STXBP5L: variants seen among roughly 807,000 people sequenced by gnomAD.
STXBP5L encodes the protein syntaxin-binding protein 5-like.
In STXBP5L, 65 loss-of-function variants were observed where a neutral mutation model predicts 144.5. That is an observed-to-expected ratio of 0.45 (90% CI 0.37 to 0.55). STXBP5L has a LOEUF of 0.55. STXBP5L is among the 20% of genes least tolerant of loss of function. The pLI is 0.00. For synonymous variants in STXBP5L, 505 were observed against 469.6 expected (o/e 1.08, Z -0.97); for missense variants, 1,298 against 1,405.5 (o/e 0.92, Z 1.22).
intron 5 of STXBP5L, among the ~76,000 whole-genome samples, chr3:121,051,422 A>G (rs953463317): frequency 7.9e-5 from 12 of 152,202 alleles, no homozygotes; most frequent in African/African-American, 2.4e-4. Flanking sequence ...AGAAGTCAGG[A>G]TTAAGAAACT....
chr3:121,146,595 GA>G (rs1387282904), intron 7 of STXBP5L, among the ~76,000 whole-genome samples: 1 of 151,556 alleles, frequency 6.6e-6, no homozygotes, highest in Non-Finnish European at 1.5e-5. Context: ...GCTGTTACAA[GA>G]GATACATTTT....
At chr3:121,346,343 C>A (rs557460184) in intron 20 of STXBP5L, among the ~76,000 whole-genome samples, 1 of 151,996 alleles carries the variant, frequency 6.6e-6, no homozygotes, top group Non-Finnish European at 1.5e-5. Flanking sequence ...TCTTAATCCA[C>A]TCTATCACTG....
chr3:121,280,759 T>C (rs1009906290), intron 19 of STXBP5L, among the ~76,000 whole-genome samples: 1 of 151,774 alleles, frequency 6.6e-6, no homozygotes, highest in Non-Finnish European at 1.5e-5. Context: ...ATATTAAGTG[T>C]TATTTTAGAC....
intron 22 of STXBP5L, among the ~76,000 whole-genome samples, chr3:121,385,058 A>C (rs2046397472): frequency 6.6e-6 from 1 of 152,054 alleles, no homozygotes; most frequent in Non-Finnish European, 1.5e-5. Context: ...ATCTCTCATA[A>C]TCAAACTCAA....
intron 20 of STXBP5L, among the ~76,000 whole-genome samples, chr3:121,372,295 A>G (rs1344100327): frequency 6.6e-6 from 1 of 152,136 alleles, no homozygotes. Flanking sequence ...AGACCACCCT[A>G]TAGAGTTCAG....
At position 121,121,685 on chromosome 3, in the gene STXBP5L, G is replaced by A. The variant is rs2044471539; in HGVS notation, c.650G>A (p.Ser217Asn). ...GGTCCAGTTGTACATTTAAGCGATA[G>A]CCCAAGAGATGAAGGCAAAGTGAGT... ...HPGPVVHLSD[S>N]PRDEGKLLIG... is the part of the protein sequence containing the mutation. Residue 217 changes from serine to asparagine, a missense_variant, in exon 7 of 27, where the codon AGC becomes AAC. By Grantham distance (46) the Ser-to-Asn change is conservative (BLOSUM62 1). Transcript: ENST00000471454. 1 of 1,602,728 alleles carries A rather than the reference G, an allele frequency of 6.2e-7. No individual in the cohort carries two copies. The highest frequency in any genetic ancestry group is 1.3e-5 in the African/African-American group (1 of 74,588).
intron 3 of STXBP5L, among the ~76,000 whole-genome samples, chr3:121,003,638 A>C (rs970524843): frequency 5.3e-5 from 8 of 152,086 alleles, no homozygotes; most frequent in Admixed American, 2.0e-4. Context: ...ATGCCTATGA[A>C]CTGAATGGTA....
At chr3:121,143,279 A>G (rs1393522685) in intron 7 of STXBP5L, among the ~76,000 whole-genome samples, 1 of 148,918 alleles carries the variant, frequency 6.7e-6, no homozygotes, top group African/African-American at 2.5e-5. Flanking sequence ...AAGAAATAAC[A>G]TCAGTCCTTA....
chr3:121,186,167 A>T (rs1053555855), intron 9 of STXBP5L, among the ~76,000 whole-genome samples: 27 of 152,184 alleles, frequency 1.8e-4, no homozygotes, highest in African/African-American at 6.3e-4. Context: ...GACTTTGCTG[A>T]AGTTACCTAT....
intron 3 of STXBP5L, among the ~76,000 whole-genome samples, chr3:120,989,831 A>G (rs542541117): frequency 3.9e-5 from 6 of 152,284 alleles, no homozygotes; most frequent in African/African-American, 9.6e-5. Flanking sequence ...CCTAATATCC[A>G]TATACCCACA....
At chr3:121,121,524 T>C in intron 6 of STXBP5L, 117 bp from the exon 7 acceptor site, 1 of 667,612 alleles carries the variant, frequency 1.5e-6, no homozygotes, top group Non-Finnish European at 2.4e-6. Flanking sequence ...AATCTGAGCT[T>C]AACCCTAGAA....
At chr3:121,112,678 T>C (rs916458973) in intron 5 of STXBP5L, among the ~76,000 whole-genome samples, 1 of 152,020 alleles carries the variant, frequency 6.6e-6, no homozygotes, top group African/African-American at 2.4e-5. Flanking sequence ...AATGGATGAA[T>C]GGATGGAAAG....
intron 5 of STXBP5L, among the ~76,000 whole-genome samples, chr3:121,108,895 A>C (rs996605703): frequency 1.3e-5 from 2 of 152,000 alleles, no homozygotes; most frequent in Non-Finnish European, 1.5e-5. Flanking sequence ...TTCAGAACTC[A>C]TTATTTGTCT....
At chr3:121,121,235 A>T (rs1399204323) in intron 6 of STXBP5L, among the ~76,000 whole-genome samples, 1 of 151,300 alleles carries the variant, frequency 6.6e-6, no homozygotes, top group African/African-American at 2.4e-5. Context: ...GTGTAAAAGG[A>T]AATCTTAAAT....
chr3:121,063,597 T>A (rs2041393586), intron 5 of STXBP5L, among the ~76,000 whole-genome samples: 2 of 152,182 alleles, frequency 1.3e-5, no homozygotes, highest in African/African-American at 4.8e-5. Context: ...CAACACCCGC[T>A]CCTTCCTCCA....
At chr3:121,314,513 C>G (rs958287457) in intron 19 of STXBP5L, among the ~76,000 whole-genome samples, 2 of 144,714 alleles carry the variant, frequency 1.4e-5, no homozygotes, top group African/African-American at 5.1e-5. Flanking sequence ...GAGAATCAGG[C>G]AGGGAGGTTG....
chr3:121,350,534 G>A (rs540820748), intron 20 of STXBP5L, among the ~76,000 whole-genome samples: 2 of 152,116 alleles, frequency 1.3e-5, no homozygotes, highest in Non-Finnish European at 2.9e-5. Context: ...AGTTCTCCTG[G>A]ATAATATTCT....
At chr3:121,080,090 T>C (rs974708901) in intron 5 of STXBP5L, among the ~76,000 whole-genome samples, 4 of 152,170 alleles carry the variant, frequency 2.6e-5, no homozygotes, top group Non-Finnish European at 5.9e-5. Flanking sequence ...TTCTTTGTCT[T>C]TTTTTTAACT....
intron 2 of STXBP5L, among the ~76,000 whole-genome samples, chr3:120,910,455 T>C (rs1456094295): frequency 6.6e-6 from 1 of 152,170 alleles, no homozygotes; most frequent in Non-Finnish European, 1.5e-5. Flanking sequence ...GGTTAATGCA[T>C]AGAGATATTG....
Sources: allele counts gnomAD v4.1 joint callset (sites outside exome capture counted in the v4.1 genomes callset), GRCh38; gene constraint gnomAD v4.1.1; transcripts MANE v1.5; gene names NCBI Gene and HGNC (gene_info 2026-07-23, HGNC 2026-07-21).